The following REPS2 variants were observed in gnomAD, a reference collection of about 807,000 sequenced individuals.
REPS2 encodes RALBP1 associated Eps domain containing 2, also known as ralBP1-associated Eps domain-containing protein 2.
A neutral mutation model predicts 53.6 loss-of-function variants in REPS2; 23 were observed. The ratio of observed to expected loss-of-function variants is 0.43; its 90% CI spans 0.31 to 0.61. REPS2 has a LOEUF of 0.61. Among genes scored for constraint, REPS2 ranks in the 20% least tolerant of loss-of-function variants. The pLI is 0.11. For missense variants in REPS2, 446 were observed against 534.9 expected, an observed-to-expected ratio of 0.83 and a Z score of 1.64; for synonymous variants, 238 against 218.6, an observed-to-expected ratio of 1.09 and a Z score of -0.78.
chrX:17,153,831 CATCT>C (rs1264345705), downstream of REPS2, among the ~76,000 whole-genome samples: 111 of 111,285 alleles, frequency 1.0e-3, no homozygotes, highest in African/African-American at 3.4e-3. Context: ...CTGGAAGAAT[CATCT>C]ATCATTTGGC....
intron 17 of REPS2, among the ~76,000 whole-genome samples, chrX:17,140,975 T>C (rs2063437743): frequency 1.8e-5 from 2 of 110,644 alleles, no homozygotes; most frequent in Admixed American, 1.9e-4. Context: ...TTTCACTGTG[T>C]TAGCCAGGTT....
rs1170964539 is a variant in REPS2 at position 17,147,486 on chromosome X, C to T, written c.*5C>T. On this transcript the variant is annotated 3_prime_UTR_variant, in exon 18 of 18. Transcript: ENST00000357277. ...CGTCCGGTCACTGTGTTGTGACCCC[C>T]CCATGGTTCAAGTGACAGTGGGTGA... The T allele has an allele frequency of 8.4e-7, 1 of 1,187,008 alleles. No individual in the cohort carries two copies.
intron 2 of REPS2, among the ~76,000 whole-genome samples, chrX:17,015,078 C>G (rs1173927900): frequency 8.9e-6 from 1 of 112,670 alleles, no homozygotes; most frequent in Non-Finnish European, 1.9e-5. Context: ...AAAGGTATAC[C>G]AATAACACCT....
chrX:17,115,234 G>A (rs1291883648), intron 14 of REPS2, among the ~76,000 whole-genome samples: 5 of 105,314 alleles, frequency 4.7e-5, no homozygotes, highest in East Asian at 3.0e-4. Context: ...CAGGGTCATA[G>A]GATAATAGTG....
chrX:17,088,160 C>T (rs2062566611), intron 13 of REPS2, among the ~76,000 whole-genome samples: 1 of 111,156 alleles, frequency 9.0e-6, no homozygotes, highest in African/African-American at 3.3e-5. Flanking sequence ...ACTAACTAAT[C>T]CTGAAAAAAA....
intron 1 of REPS2, among the ~76,000 whole-genome samples, chrX:16,984,733 T>C (rs1351076458): frequency 1.8e-5 from 2 of 111,485 alleles, no homozygotes; most frequent in Non-Finnish European, 3.8e-5. Context: ...AGATACTTCA[T>C]TGGGGAATTT....
intron 17 of REPS2, among the ~76,000 whole-genome samples, chrX:17,139,279 T>C (rs2063412895): frequency 8.9e-6 from 1 of 112,085 alleles, no homozygotes; most frequent in South Asian, 3.7e-4. Context: ...TCATATTGTG[T>C]ATGAGTTAAA....
intron 1 of REPS2, among the ~76,000 whole-genome samples, chrX:16,950,064 ATTT>A (rs765500800): frequency 4.1e-5 from 4 of 96,584 alleles, no homozygotes; most frequent in African/African-American, 3.8e-5. Flanking sequence ...GCAATCACTG[ATTT>A]TTTTTTTTTT....
chrX:17,048,445 C>T (rs763143425), intron 6 of REPS2, among the ~76,000 whole-genome samples: 7 of 112,410 alleles, frequency 6.2e-5, no homozygotes, highest in Non-Finnish European at 1.1e-4. Context: ...AGTTTCTTTA[C>T]GACATGTGCA....
intron 1 of REPS2, among the ~76,000 whole-genome samples, chrX:16,964,571 G>A (rs1602520659): frequency 9.1e-6 from 1 of 109,765 alleles, no homozygotes; most frequent in East Asian, 2.9e-4. Flanking sequence ...GGTGGTGGCC[G>A]GGCAGAGGGG....
intron 5 of REPS2, among the ~76,000 whole-genome samples, chrX:17,035,658 G>T (rs1376718496): frequency 9.0e-6 from 1 of 111,029 alleles, no homozygotes; most frequent in Non-Finnish European, 1.9e-5. Flanking sequence ...TTAAAAATAT[G>T]TCAAACATTC....
chrX:17,153,688 AC>A (rs1361127273), downstream of REPS2, among the ~76,000 whole-genome samples: 1 of 111,594 alleles, frequency 9.0e-6, no homozygotes, highest in Non-Finnish European at 1.9e-5. Context: ...ATAGTTTCTT[AC>A]CTTTAAAATT....
intron 13 of REPS2, among the ~76,000 whole-genome samples, chrX:17,077,793 C>G (rs2062402321): frequency 1.8e-5 from 2 of 112,535 alleles, no homozygotes; most frequent in South Asian, 7.3e-4. Context: ...TATGAAAGAT[C>G]TTGGAGATTA....
chrX:17,149,830 T>G lies in REPS2; in HGVS notation c.*2349T>G, dbSNP rs1165717122. The G allele has an allele frequency of 8.9e-6, 1 of 111,850 alleles. No homozygotes were observed. Among genetic ancestry groups the G allele is most frequent in the Non-Finnish European group, 1.9e-5 (1 of 53,151 alleles). The allele number at this position is 111,850 out of a possible 1,213,427, so 9.2% of individuals were successfully genotyped here. A position where few individuals can be genotyped will look rare whatever the true frequency, so the allele number is the denominator to read the frequency against. ...TGCTTTTCCCCTCCCCTCCATGAAG[T>G]CAGTGCCAGAGTGAGCCAGATTGGG... is the stretch of plus-strand genomic sequence containing the variant. On this transcript the variant is annotated 3_prime_UTR_variant, in exon 18 of 18. Coordinates refer to ENST00000357277, the MANE Select transcript of REPS2 (RefSeq NM_004726.3).
the REPS2 span, among the ~76,000 whole-genome samples, chrX:17,159,215 C>T: frequency 1.8e-5 from 2 of 111,685 alleles, no homozygotes; most frequent in South Asian, 7.6e-4. Flanking sequence ...CTTTAGAGAC[C>T]TGGGAAGTCA....
the REPS2 span, among the ~76,000 whole-genome samples, chrX:17,188,984 A>G: frequency 2.7e-5 from 3 of 112,402 alleles, no homozygotes; most frequent in African/African-American, 9.7e-5. Context: ...GGCACAGAGT[A>G]GTTAAGTGGC....
chrX:17,161,903 A>AGAC, the REPS2 span, among the ~76,000 whole-genome samples: 1 of 112,087 alleles, frequency 8.9e-6, no homozygotes, highest in Non-Finnish European at 1.9e-5. Flanking sequence ...TTTTTATGAA[A>AGAC]GACTGTCTTT....
chrX:17,065,908 A>T (rs1027188861), intron 9 of REPS2, among the ~76,000 whole-genome samples: 3 of 111,764 alleles, frequency 2.7e-5, no homozygotes, highest in African/African-American at 9.8e-5. Flanking sequence ...TTATAGTTTT[A>T]GACCTTTACA....
the REPS2 span, among the ~76,000 whole-genome samples, chrX:17,173,477 T>A: frequency 8.9e-6 from 1 of 112,075 alleles, no homozygotes; most frequent in Admixed American, 9.4e-5. Context: ...GTAAGATAAG[T>A]ATTATATCTC....
Sources: allele counts gnomAD v4.1 joint callset (sites outside exome capture counted in the v4.1 genomes callset), GRCh38; gene constraint gnomAD v4.1.1; transcripts MANE v1.5; gene names NCBI Gene and HGNC (gene_info 2026-07-23, HGNC 2026-07-21).